SHTN1: variants seen among roughly 807,000 people sequenced by gnomAD.
The protein encoded by SHTN1 is shootin-1.
SHTN1 carries 42 observed loss-of-function variants against 83.1 expected under a neutral mutation model. The ratio of observed to expected loss-of-function variants is 0.51; its 90% CI spans 0.39 to 0.65. The LOEUF is 0.65. SHTN1 is among the 30% of genes least tolerant of loss of function. The pLI, the probability that SHTN1 is intolerant of heterozygous loss-of-function variation, is 0.00. For synonymous variants in SHTN1, 224 were observed against 247.7 expected (o/e 0.90, Z 0.90); for missense variants, 622 against 737.8 (o/e 0.84, Z 1.82).
At chr10:116,962,243 T>G (rs1003492963) in intron 3 of SHTN1, among the ~76,000 whole-genome samples, 4 of 152,098 alleles carry the variant, frequency 2.6e-5, no homozygotes, top group Admixed American at 2.0e-4. Context: ...AGGCCAAGTT[T>G]ATTCACACAC....
At chr10:116,913,918 G>A (rs775456890) in intron 13 of SHTN1, among the ~76,000 whole-genome samples, 5 of 152,174 alleles carry the variant, frequency 3.3e-5, no homozygotes, top group African/African-American at 4.8e-5. Flanking sequence ...TGGGCCAGCT[G>A]TGCCAGATCA....
chr10:117,100,139 T>C (rs1298320999), intron 1 of SHTN1, among the ~76,000 whole-genome samples: 2 of 152,128 alleles, frequency 1.3e-5, no homozygotes, highest in African/African-American at 2.4e-5. Flanking sequence ...ATAGCGCCAT[T>C]GCACTCCAGC....
At chr10:117,091,704 C>T (rs1564956565) in intron 1 of SHTN1, among the ~76,000 whole-genome samples, 1 of 152,198 alleles carries the variant, frequency 6.6e-6, no homozygotes, top group African/African-American at 2.4e-5. Flanking sequence ...TATGCATTTG[C>T]TCATGCTGGT....
At chr10:116,918,880 G>A (rs1848460544) in intron 12 of SHTN1, among the ~76,000 whole-genome samples, 1 of 152,090 alleles carries the variant, frequency 6.6e-6, no homozygotes, top group African/African-American at 2.4e-5. Flanking sequence ...ATCCAGAACT[G>A]GCCTAACAAA....
At chr10:117,104,190 C>T (rs1235828681) in intron 1 of SHTN1, among the ~76,000 whole-genome samples, 1 of 152,022 alleles carries the variant, frequency 6.6e-6, no homozygotes, top group Non-Finnish European at 1.5e-5. Flanking sequence ...CTGTCTAGCA[C>T]GTTGTGTTAG....
intron 1 of SHTN1, among the ~76,000 whole-genome samples, chr10:117,092,428 A>T (rs1853444496): frequency 6.6e-6 from 1 of 152,254 alleles, no homozygotes; most frequent in South Asian, 2.1e-4. Flanking sequence ...GCGAGAATTG[A>T]TAAATCTGTA....
chr10:116,945,710 T>C (rs17095457), intron 7 of SHTN1, among the ~76,000 whole-genome samples: 1,641 of 152,260 alleles, frequency 0.011, 20 homozygotes, highest in African/African-American at 0.031. Flanking sequence ...AAACTGAAGA[T>C]AAAATTTGAC....
At chr10:116,901,512 T>A (rs1182977910) in intron 16 of SHTN1, 4 of 985,206 alleles carry the variant, frequency 4.1e-6, no homozygotes, top group Non-Finnish European at 4.8e-6. Context: ...CAATTATTTG[T>A]GTAGAAGAAC....
At chr10:116,979,231 G>A in intron 2 of SHTN1, 25 bp downstream of exon 2, 1 of 1,602,650 alleles carries the variant, frequency 6.2e-7, no homozygotes, top group Non-Finnish European at 8.5e-7. Context: ...TGTAAGAAAG[G>A]GGAAAAAAAA....
At chr10:117,084,865 G>A (rs1046789671) in intron 1 of SHTN1, among the ~76,000 whole-genome samples, 27 of 151,534 alleles carry the variant, frequency 1.8e-4, no homozygotes, top group African/African-American at 5.1e-4. Flanking sequence ...TGCGCTTCCC[G>A]AGTGAGGCAA....
At chr10:117,030,384 A>G (rs7099253) in intron 2 of SHTN1, among the ~76,000 whole-genome samples, 138,453 of 152,086 alleles carry the variant, frequency 0.91, 64,399 homozygotes, top group Non-Finnish European at 1. Flanking sequence ...CAAGAAGGAC[A>G]GGTATAAACA....
intron 1 of SHTN1, among the ~76,000 whole-genome samples, chr10:117,058,491 A>G (rs75297600): frequency 0.027 from 4,142 of 152,230 alleles, 174 homozygotes; most frequent in African/African-American, 0.091. Context: ...CCTCACACCC[A>G]TTATGGTGGC....
intron 2 of SHTN1, among the ~76,000 whole-genome samples, chr10:117,031,850 C>T (rs1852419903): frequency 6.6e-6 from 1 of 151,962 alleles, no homozygotes; most frequent in Non-Finnish European, 1.5e-5. Flanking sequence ...GAAAAGAAGA[C>T]CACAAAACAA....
chr10:116,894,806 C>G (rs918384757), intron 16 of SHTN1, among the ~76,000 whole-genome samples: 8 of 152,160 alleles, frequency 5.3e-5, no homozygotes, highest in Admixed American at 2.6e-4. Context: ...AAGCTCAATT[C>G]AGACAAGCAG....
At chr10:116,981,047 G>T (rs1468087371) in intron 1 of SHTN1, among the ~76,000 whole-genome samples, 1 of 152,122 alleles carries the variant, frequency 6.6e-6, no homozygotes, top group Non-Finnish European at 1.5e-5. Flanking sequence ...GGCTGGGCGT[G>T]GTGGCTCACG....
At chr10:116,942,668 T>C (rs533905993) in intron 8 of SHTN1, among the ~76,000 whole-genome samples, 9 of 152,242 alleles carry the variant, frequency 5.9e-5, no homozygotes, top group Admixed American at 1.3e-4. Context: ...TTTTATTTTA[T>C]ACATTTAGAA....
intron 1 of SHTN1, among the ~76,000 whole-genome samples, chr10:117,101,841 T>G (rs1853598646): frequency 6.6e-6 from 1 of 152,154 alleles, no homozygotes; most frequent in Non-Finnish European, 1.5e-5. Flanking sequence ...CTTGGCTGAA[T>G]TAGGTGACTA....
intron 1 of SHTN1, among the ~76,000 whole-genome samples, chr10:117,104,545 C>A (rs879867602): frequency 6.6e-6 from 1 of 152,064 alleles, no homozygotes; most frequent in Non-Finnish European, 1.5e-5. Context: ...CCGAGGCAGG[C>A]GGATCACGAG....
At chr10:117,026,299 G>A (rs1852331716) in intron 2 of SHTN1, among the ~76,000 whole-genome samples, 1 of 152,118 alleles carries the variant, frequency 6.6e-6, no homozygotes, top group African/African-American at 2.4e-5. Context: ...GTGGGCCTGT[G>A]GTGGTAGTGG....
Sources: allele counts gnomAD v4.1 joint callset (sites outside exome capture counted in the v4.1 genomes callset), GRCh38; gene constraint gnomAD v4.1.1; transcripts MANE v1.5; gene names NCBI Gene and HGNC (gene_info 2026-07-23, HGNC 2026-07-21).